The following NCOR2 variants were observed in gnomAD, a reference collection of about 807,000 sequenced individuals.
The protein encoded by NCOR2 is nuclear receptor corepressor 2, also known as CTG repeat protein 26.
A neutral mutation model predicts 262.9 loss-of-function variants in NCOR2; 81 were observed. That is an observed-to-expected ratio of 0.31 (90% CI 0.26 to 0.37). The LOEUF is 0.37. NCOR2 is among the 10% of genes least tolerant of loss of function. The pLI is 1.00. For missense variants in NCOR2, 3,385 were observed against 3,621.4 expected, an observed-to-expected ratio of 0.93 and a Z score of 1.68; for synonymous variants, 1,659 against 1,559.3, an observed-to-expected ratio of 1.06 and a Z score of -1.51.
rs972960906 is a variant in NCOR2, at chr12:124,438,067, T to TAA, written c.816-72_816-71insTT. ...GGCGCTGCACCCCGTGCCATCCTGT[T>TAA]TGCTGAGAGTGAGCCCCAAATTTGC... On this transcript the variant is annotated intron_variant, in intron 7 of 46. Coordinates refer to ENST00000405201, the Ensembl canonical transcript of NCOR2. 1.1e-5 allele frequency: 16 copies of TAA among 1,457,226 alleles called. No homozygotes were observed. In the African/African-American group the frequency reaches 2.1e-4, roughly 19 times the overall value. 90.3% of individuals were successfully genotyped at this position (1,457,226 alleles called of 1,614,324 possible).
intron 16 of NCOR2, among the ~76,000 whole-genome samples, chr12:124,390,917 G>A (rs1170668576): frequency 6.6e-6 from 1 of 152,258 alleles, no homozygotes; most frequent in Non-Finnish European, 1.5e-5. Context: ...AGTCACAGAC[G>A]CCGAGTGGAG....
exon 4 of NCOR2, chr12:124,473,104 G>A (rs749292036): frequency 6.2e-7 from 1 of 1,613,936 alleles, no homozygotes; most frequent in South Asian, 1.1e-5. Context: ...GGAGACACCG[G>A]TTCCAGCTTG....
Position 124,389,024 on chromosome 12 carries a change from G to C in NCOR2, c.1877-3137C>G, listed in dbSNP as rs890455982. 6.6e-6 allele frequency among the ~76,000 whole-genome samples: 1 copy of C among 152,150 alleles called. No homozygotes were observed. The highest frequency in any genetic ancestry group is 2.4e-5 in the African/African-American group (1 of 41,452). ...AGCGGCCGCTGCCACCTCTGACGCC[G>C]TCCCCAAGCCGCTGTGGGCGCGCGA... On this transcript the variant is annotated intron_variant, in intron 16 of 46. Transcript: ENST00000405201. The surrounding 1 kb of genome is among the most constrained non-coding windows in gnomAD (Gnocchi z 4.4).
chr12:124,363,667 G>A lies in NCOR2; in HGVS notation c.2928+12C>T, dbSNP rs368775597. 2.9e-6 allele frequency: 4 copies of A among 1,370,644 alleles called. No individual in the cohort carries two copies. The East Asian group carries it at 1.1e-4, about 38-fold the overall frequency. The allele number at this position is 1,370,644 out of a possible 1,614,324, so 84.9% of individuals were successfully genotyped here. ...GGGTGGACTCTGTGGGGCTCTGGGGGTGGGCACTCACGATGGGGGGGATGG... is the reference window on the plus strand; with the variant it reads ...GGGTGGACTCTGTGGGGCTCTGGGGATGGGCACTCACGATGGGGGGGATGG... On this transcript the variant is annotated intron_variant, in intron 21 of 46. Transcript: ENST00000405201.
At chr12:124,562,701 CA>C (rs1471218033) in intron 1 of NCOR2, among the ~76,000 whole-genome samples, 1 of 152,214 alleles carries the variant, frequency 6.6e-6, no homozygotes, top group African/African-American at 2.4e-5. Flanking sequence ...CCACCGTCTC[CA>C]AAGGGCAACA....
At chr12:124,325,379 C>CGG in exon 47 of NCOR2, 5 of 317,176 alleles carry the variant, frequency 1.6e-5, no homozygotes, top group Non-Finnish European at 2.1e-5. Flanking sequence ...CTGACACCGC[C>CGG]CCCCCCCCCG....
intron 1 of NCOR2, among the ~76,000 whole-genome samples, chr12:124,554,006 G>C (rs2137268902): frequency 6.6e-6 from 1 of 152,274 alleles, no homozygotes; most frequent in Non-Finnish European, 1.5e-5. Context: ...ACCCTCCCCT[G>C]CAGCTCCTGG....
In NCOR2 at chr12:124,430,595, T is replaced by A. The variant is rs1431464171; in HGVS notation, c.1055+20A>T. The stretch of plus-strand genomic sequence containing the variant: ...CCCCGGGCCCTGACGTCGGGGGCCC[T>A]GGGCTCAGGCCCCGCTCACCTCTGC... On this transcript the variant is annotated intron_variant, in intron 9 of 46. Coordinates refer to ENST00000405201, the Ensembl canonical transcript of NCOR2. 1.3e-6 allele frequency: 2 copies of A among 1,594,140 alleles called. No individual in the cohort carries two copies. The highest frequency in any genetic ancestry group is 1.7e-6 in the Non-Finnish European group (2 of 1,168,862).
chr12:124,366,134 C>G (rs1248170067), intron 20 of NCOR2, among the ~76,000 whole-genome samples: 1 of 152,128 alleles, frequency 6.6e-6, no homozygotes, highest in African/African-American at 2.4e-5. Flanking sequence ...GAAACCTGCA[C>G]GTGCCCACCA....
At chr12:124,485,807 T>C (rs61932053) in intron 2 of NCOR2, among the ~76,000 whole-genome samples, 14,124 of 152,168 alleles carry the variant, frequency 0.093, 829 homozygotes, top group East Asian at 0.16. Context: ...ATAGGCACAA[T>C]TCCCCACACC....
At chr12:124,435,212 G>T (rs891620347) in intron 8 of NCOR2, among the ~76,000 whole-genome samples, 1 of 152,150 alleles carries the variant, frequency 6.6e-6, no homozygotes, top group Non-Finnish European at 1.5e-5. Flanking sequence ...AGCCCATCTC[G>T]AGAGTCTAGC....
rs757779305 is a variant in NCOR2 at position 124,325,382 on chromosome 12, C to CCCCA, written c.*19_*20insTGGG. 62 of 412,982 alleles carry CCCCA rather than the reference C, an allele frequency of 1.5e-4. 8 individuals are homozygous for CCCCA. Among genetic ancestry groups the CCCCA allele is most frequent in the Non-Finnish European group, 1.8e-4 (48 of 265,934 alleles). The allele number at this position is 412,982 out of a possible 1,614,324, so 25.6% of individuals were successfully genotyped here. A position where few individuals can be genotyped will look rare whatever the true frequency, so the allele number is the denominator to read the frequency against. On this transcript the variant is annotated 3_prime_UTR_variant, in exon 47 of 47. Transcript: ENST00000405201. ...GCTCGCTGGGACCTGACACCGCCCCCCCCCCCGCCCTGTTCTGAGTCACTC... is the reference window on the plus strand; with the variant it reads ...GCTCGCTGGGACCTGACACCGCCCCCCCCACCCCCCGCCCTGTTCTGAGTCACTC...
chr12:124,418,878 T>C (rs2043055299), intron 13 of NCOR2, among the ~76,000 whole-genome samples: 1 of 152,188 alleles, frequency 6.6e-6, no homozygotes, highest in South Asian at 2.1e-4. Context: ...GCTTCCAGAA[T>C]CCACCCCCAG....
At chr12:124,363,058 C>A (rs377167342) in intron 21 of NCOR2, among the ~76,000 whole-genome samples, 2 of 152,286 alleles carry the variant, frequency 1.3e-5, no homozygotes, top group East Asian at 3.8e-4. Flanking sequence ...CTTCTGTGGA[C>A]CCAAATCCTC....
At chr12:124,538,728 G>A (rs2137202887), upstream of NCOR2, 1 of 154,204 alleles carries the variant, frequency 6.5e-6, no homozygotes, top group Non-Finnish European at 1.4e-5. Flanking sequence ...GGTGGGAGAG[G>A]GGCTGGCATG....
At chr12:124,417,068 C>CAGAGAGCAGGCCGGACAGTCACTCCAT (rs2042920073) in intron 13 of NCOR2, among the ~76,000 whole-genome samples, 1 of 136,914 alleles carries the variant, frequency 7.3e-6, no homozygotes, top group Non-Finnish European at 1.5e-5. Flanking sequence ...ACTCACTCCA[C>CAGAGAGCAGGCCGGACAGTCACTCCAT]GGAGAGCAGG....
intron 1 of NCOR2, among the ~76,000 whole-genome samples, chr12:124,558,529 C>T (rs182832869): frequency 9.2e-5 from 14 of 152,298 alleles, no homozygotes; most frequent in Admixed American, 5.2e-4. Context: ...AGGCAGGAGG[C>T]GGCTGCAGTC....
intron 8 of NCOR2, among the ~76,000 whole-genome samples, chr12:124,433,871 C>CACACACACACACACACACACAA (rs2044149932): frequency 3.5e-5 from 1 of 28,182 alleles, no homozygotes; most frequent in African/African-American, 9.4e-5. Context: ...CACACACACA[C>CACACACACACACACACACACAA]ACACACACAC....
intron 10 of NCOR2, 147 bp from the exon 13 acceptor site, chr12:124,426,947 T>TA (rs2043584772): frequency 1.5e-6 from 1 of 670,806 alleles, no homozygotes; most frequent in Admixed American, 3.2e-5. Context: ...ATGATGAGTT[T>TA]AAAAATAATA....
Sources: allele counts gnomAD v4.1 joint callset (sites outside exome capture counted in the v4.1 genomes callset), GRCh38; gene constraint gnomAD v4.1.1; non-coding constraint Gnocchi (gnomAD v3.1); transcripts MANE v1.5; gene names NCBI Gene and HGNC (gene_info 2026-07-23, HGNC 2026-07-21).